The following CNTNAP4 variants were observed in gnomAD, a reference collection of about 807,000 sequenced individuals.
CNTNAP4 encodes contactin associated protein family member 4.
Under a neutral mutation model 148.4 loss-of-function variants are expected in CNTNAP4, and 98 were observed. That is an observed-to-expected ratio of 0.66 (90% CI 0.56 to 0.78). CNTNAP4 has a LOEUF of 0.78. CNTNAP4 is among the 30% of genes least tolerant of loss of function. CNTNAP4 has a pLI of 0.00. For synonymous variants in CNTNAP4, 730 were observed against 565.1 expected (o/e 1.29, Z -4.14); for missense variants, 1,935 against 1,565.6 (o/e 1.24, Z -3.98).
intron 4 of CNTNAP4, among the ~76,000 whole-genome samples, chr16:76,434,937 A>G (rs934736974): frequency 2.6e-5 from 4 of 152,126 alleles, no homozygotes; most frequent in Non-Finnish European, 5.9e-5. Flanking sequence ...GAGCACCACA[A>G]TGATGTTTTA....
At chr16:76,376,907 TTGTG>T (rs5817987) in intron 3 of CNTNAP4, among the ~76,000 whole-genome samples, 4,040 of 143,448 alleles carry the variant, frequency 0.028, 54 homozygotes, top group African/African-American at 0.047. Context: ...CTAACAAGGT[TTGTG>T]TGTGTGTGTG....
chr16:76,400,681 T>A (rs1454934779), intron 3 of CNTNAP4, among the ~76,000 whole-genome samples: 1 of 152,226 alleles, frequency 6.6e-6, no homozygotes, highest in African/African-American at 2.4e-5. Context: ...GATTTTACAT[T>A]TAAATATTTA....
At chr16:76,293,228 G>A (rs934589547) in intron 1 of CNTNAP4, among the ~76,000 whole-genome samples, 4 of 151,824 alleles carry the variant, frequency 2.6e-5, no homozygotes, top group South Asian at 2.1e-4. Context: ...GGGTTCGAGC[G>A]ATTCTCCTGC....
chr16:76,284,265 A>C, intron 1 of CNTNAP4, among the ~76,000 whole-genome samples: 2 of 151,910 alleles, frequency 1.3e-5, no homozygotes, highest in Non-Finnish European at 1.5e-5. Flanking sequence ...AATTCTTATA[A>C]AATGTATGGA....
intron 3 of CNTNAP4, among the ~76,000 whole-genome samples, chr16:76,372,395 G>A (rs537392774): frequency 4.0e-5 from 6 of 150,968 alleles, no homozygotes; most frequent in East Asian, 2.0e-4. Flanking sequence ...TGATCTGCCC[G>A]CCTCGGCCTC....
intron 21 of CNTNAP4, among the ~76,000 whole-genome samples, chr16:76,547,475 A>G (rs2084785850): frequency 2.0e-5 from 3 of 152,208 alleles, no homozygotes; most frequent in Admixed American, 2.0e-4. Context: ...TAATGGCACA[A>G]GAACACTAAC....
chr16:76,417,139 G>A (rs996430147), intron 3 of CNTNAP4, among the ~76,000 whole-genome samples: 9 of 151,162 alleles, frequency 6.0e-5, no homozygotes, highest in Non-Finnish European at 1.2e-4. Flanking sequence ...ACATAGCTGG[G>A]CCTACTCTTT....
chr16:76,493,918 G>T (rs1016584824), intron 13 of CNTNAP4, among the ~76,000 whole-genome samples: 1 of 152,168 alleles, frequency 6.6e-6, no homozygotes, highest in African/African-American at 2.4e-5. Flanking sequence ...AAGCAAGGGA[G>T]AAATTAGTAA....
At chr16:76,423,555 T>G (rs1279800556) in intron 3 of CNTNAP4, among the ~76,000 whole-genome samples, 1 of 152,228 alleles carries the variant, frequency 6.6e-6, no homozygotes, top group East Asian at 1.9e-4. Flanking sequence ...TGAATTGTTA[T>G]GGCAACAATT....
At chr16:76,451,631 G>GTGTGTGTGTGTC (rs2080482432) in intron 7 of CNTNAP4, among the ~76,000 whole-genome samples, 1 of 151,176 alleles carries the variant, frequency 6.6e-6, no homozygotes, top group African/African-American at 2.4e-5. Context: ...GTGTGTGTGT[G>GTGTGTGTGTGTC]TGTATTTTAT....
At chr16:76,407,938 C>G (rs1432442211) in intron 3 of CNTNAP4, among the ~76,000 whole-genome samples, 1 of 151,964 alleles carries the variant, frequency 6.6e-6, no homozygotes, top group East Asian at 1.9e-4. Context: ...AAAATTCACT[C>G]CACAGTCACC....
intron 2 of CNTNAP4, among the ~76,000 whole-genome samples, chr16:76,337,846 C>T (rs956698779): frequency 6.6e-6 from 1 of 152,194 alleles, no homozygotes; most frequent in African/African-American, 2.4e-5. Context: ...GATATTTCTC[C>T]TACTTGCTTT....
chr16:76,365,759 A>AAAAC (rs937227159), intron 3 of CNTNAP4, among the ~76,000 whole-genome samples: 5 of 151,870 alleles, frequency 3.3e-5, no homozygotes, highest in African/African-American at 7.3e-5. Flanking sequence ...CTCAAAAAAA[A>AAAAC]AAAAAAAAAA....
chr16:76,487,863 C>G (rs1039780123), intron 12 of CNTNAP4, among the ~76,000 whole-genome samples: 1 of 152,086 alleles, frequency 6.6e-6, no homozygotes, highest in Non-Finnish European at 1.5e-5. Flanking sequence ...CCTTTAAATA[C>G]CTTTAGAATC....
chr16:76,377,108 C>G (rs146877127), intron 3 of CNTNAP4, among the ~76,000 whole-genome samples: 1 of 152,176 alleles, frequency 6.6e-6, no homozygotes, highest in Non-Finnish European at 1.5e-5. Context: ...AGTCCAAAGG[C>G]AGTGTGCTGG....
intron 3 of CNTNAP4, among the ~76,000 whole-genome samples, chr16:76,391,137 C>A (rs971016388): frequency 6.6e-6 from 1 of 152,156 alleles, no homozygotes; most frequent in Non-Finnish European, 1.5e-5. Flanking sequence ...TTAACTATCC[C>A]TACCTAGCCC....
At chr16:76,528,881 C>T (rs776243286) in intron 17 of CNTNAP4, among the ~76,000 whole-genome samples, 1 of 152,136 alleles carries the variant, frequency 6.6e-6, no homozygotes, top group Non-Finnish European at 1.5e-5. Flanking sequence ...CTACATCACC[C>T]GAGCAATACA....
Position 76,368,142 on chromosome 16 carries a change from T to C in CNTNAP4, c.390+12631T>C, listed in dbSNP as rs1040865684. On this transcript the variant is annotated intron_variant, in intron 3 of 23. Coordinates refer to ENST00000611870, the MANE Select transcript of CNTNAP4 (RefSeq NM_033401.5). Reference sequence around the variant, plus strand: ...CAGTACAAAACATACCAGCAGGATATCCATTCATCTTAGATTCTCCTGCAC... The same window carrying C: ...CAGTACAAAACATACCAGCAGGATACCCATTCATCTTAGATTCTCCTGCAC... 8.5e-5 allele frequency among the ~76,000 whole-genome samples: 13 copies of C among 152,184 alleles called. 1 individual carries two copies. The highest frequency in any genetic ancestry group is 8.5e-4 in the Admixed American group (13 of 15,268).
chr16:76,434,229 T>C (rs2079729654), intron 4 of CNTNAP4, among the ~76,000 whole-genome samples: 1 of 151,712 alleles, frequency 6.6e-6, no homozygotes, highest in South Asian at 2.1e-4. Flanking sequence ...GTATTATCGT[T>C]AAGTAGTTAT....
Sources: gnomAD v4.1 joint callset for allele counts (sites outside exome capture counted in the v4.1 genomes callset) on GRCh38, gnomAD v4.1.1 for gene constraint, MANE v1.5 for transcripts, NCBI Gene and HGNC (gene_info 2026-07-23, HGNC 2026-07-21) for gene names.